DRC8: variants seen among roughly 807,000 people sequenced by gnomAD.
DRC8 encodes dynein regulatory complex subunit 8.
At chr1:244,995,091 G>A in the DRC8 span, among the ~76,000 whole-genome samples, 1,189 of 151,946 alleles carry the variant, frequency 7.8e-3, 11 homozygotes, top group African/African-American at 0.027. Context: ...GGCCGGGCGC[G>A]GTGGCTCACA....
At chr1:245,116,237 G>T in the DRC8 span, among the ~76,000 whole-genome samples, 1 of 152,048 alleles carries the variant, frequency 6.6e-6, no homozygotes, top group South Asian at 2.1e-4. Flanking sequence ...AATTAGCCAG[G>T]TGTGGTTACT....
the DRC8 span, among the ~76,000 whole-genome samples, chr1:244,994,478 G>A: frequency 2.0e-5 from 3 of 152,058 alleles, no homozygotes; most frequent in African/African-American, 7.2e-5. Context: ...TACCCAGGCT[G>A]GAGTGCAGTG....
At chr1:245,042,406 G>C in the DRC8 span, among the ~76,000 whole-genome samples, 1 of 152,230 alleles carries the variant, frequency 6.6e-6, no homozygotes, top group East Asian at 1.9e-4. Context: ...CTTGATTAGA[G>C]GGACCTTGGA....
At chr1:244,981,369 T>G in the DRC8 span, among the ~76,000 whole-genome samples, 1 of 152,148 alleles carries the variant, frequency 6.6e-6, no homozygotes, top group Non-Finnish European at 1.5e-5. Flanking sequence ...AGGAAGAATT[T>G]CATGAAGGAA....
the DRC8 span, among the ~76,000 whole-genome samples, chr1:244,987,289 C>T: frequency 6.6e-6 from 1 of 151,916 alleles, no homozygotes; most frequent in Non-Finnish European, 1.5e-5. Context: ...CAACCTCCAC[C>T]TCCCGGGTTC....
the DRC8 span, among the ~76,000 whole-genome samples, chr1:245,068,792 A>C: frequency 6.6e-6 from 1 of 151,974 alleles, no homozygotes; most frequent in African/African-American, 2.4e-5. Flanking sequence ...AAAATTCTGA[A>C]TCTTGCTTTT....
the DRC8 span, among the ~76,000 whole-genome samples, chr1:244,974,987 G>A: frequency 6.6e-6 from 1 of 151,710 alleles, no homozygotes; most frequent in Admixed American, 6.6e-5. Context: ...CTGGAGTGCA[G>A]TGGCACGATC....
chr1:245,027,759 T>TA, the DRC8 span, among the ~76,000 whole-genome samples: 1 of 152,222 alleles, frequency 6.6e-6, no homozygotes, highest in South Asian at 2.1e-4. Flanking sequence ...TATTCACACA[T>TA]ATTTTAGTAG....
At chr1:245,070,332 A>G in the DRC8 span, among the ~76,000 whole-genome samples, 1 of 152,234 alleles carries the variant, frequency 6.6e-6, no homozygotes, top group Non-Finnish European at 1.5e-5. Context: ...TGAATATTCC[A>G]TATTACATAT....
At chr1:245,083,925 C>T in the DRC8 span, 1 of 441,418 alleles carries the variant, frequency 2.3e-6, no homozygotes, top group South Asian at 3.7e-5. Flanking sequence ...ACAGTGATTA[C>T]TTCTATAATT....
the DRC8 span, among the ~76,000 whole-genome samples, chr1:245,103,888 T>C: frequency 6.6e-6 from 1 of 152,190 alleles, no homozygotes; most frequent in African/African-American, 2.4e-5. Flanking sequence ...AGAAGGCCCA[T>C]TCTCGGTCTA....
At chr1:245,066,767 C>G in the DRC8 span, among the ~76,000 whole-genome samples, 2 of 151,972 alleles carry the variant, frequency 1.3e-5, no homozygotes, top group Non-Finnish European at 2.9e-5. Context: ...ATTAGCCGGG[C>G]TTGGTGGCGG....
the DRC8 span, among the ~76,000 whole-genome samples, chr1:245,117,569 G>A: frequency 1.3e-5 from 2 of 151,338 alleles, no homozygotes; most frequent in Non-Finnish European, 2.9e-5. Flanking sequence ...GATTACAGGC[G>A]TGCACCACCA....
At chr1:244,980,256 G>T in the DRC8 span, among the ~76,000 whole-genome samples, 1 of 151,536 alleles carries the variant, frequency 6.6e-6, no homozygotes, top group Non-Finnish European at 1.5e-5. Flanking sequence ...AAGATGGGAG[G>T]CTGAGGCAGG....
the DRC8 span, among the ~76,000 whole-genome samples, chr1:244,991,529 A>G: frequency 1.3e-5 from 2 of 152,046 alleles, no homozygotes; most frequent in Non-Finnish European, 2.9e-5. Flanking sequence ...TCTATTTTGT[A>G]TTAGCTTTCT....
At chr1:245,028,934 T>C in the DRC8 span, among the ~76,000 whole-genome samples, 1 of 152,336 alleles carries the variant, frequency 6.6e-6, no homozygotes, top group South Asian at 2.1e-4. Context: ...TTTCATACTA[T>C]GGTATGATTC....
At chr1:245,070,006 C>A in the DRC8 span, among the ~76,000 whole-genome samples, 1 of 151,982 alleles carries the variant, frequency 6.6e-6, no homozygotes, top group Non-Finnish European at 1.5e-5. Flanking sequence ...CGTGGCACCA[C>A]CACACTCCAG....
At chr1:244,970,550 C>T in the DRC8 span, 676 of 1,420,056 alleles carry the variant, frequency 4.8e-4, 14 homozygotes, top group South Asian at 8.3e-3. Context: ...GGAGTTCCCA[C>T]CCGCAGGGAA....
At chr1:245,022,488 C>A in the DRC8 span, among the ~76,000 whole-genome samples, 192 of 152,148 alleles carry the variant, frequency 1.3e-3, no homozygotes, top group African/African-American at 4.4e-3. Context: ...ATATATTTTC[C>A]TGCTCTGTGT....
Sources: allele counts gnomAD v4.1 joint callset (sites outside exome capture counted in the v4.1 genomes callset), GRCh38; gene constraint gnomAD v4.1.1; transcripts MANE v1.5; gene names NCBI Gene and HGNC (gene_info 2026-07-23, HGNC 2026-07-21).